Variants in IL1RAPL2 observed in about 807,000 individuals in gnomAD.
The protein encoded by IL1RAPL2 is interleukin 1 receptor accessory protein like 2, also known as X-linked interleukin-1 receptor accessory protein-like 2.
Under a neutral mutation model 44.1 loss-of-function variants are expected in IL1RAPL2, and 3 were observed. The observed-to-expected ratio is 0.07, with a 90% CI of 0.03 to 0.18. IL1RAPL2 has a LOEUF of 0.18. Ranked by LOEUF, IL1RAPL2 falls within the 10% of genes least tolerant of loss-of-function variation. IL1RAPL2 has a pLI of 1.00. For synonymous variants in IL1RAPL2, 181 were observed against 178.8 expected, an observed-to-expected ratio of 1.01 and a Z score of -0.10; for missense variants, 391 against 496.4, an observed-to-expected ratio of 0.79 and a Z score of 2.02.
chrX:105,330,610 C>G (rs1406629200), intron 5 of IL1RAPL2, among the ~76,000 whole-genome samples: 1 of 111,370 alleles, frequency 9.0e-6, no homozygotes, highest in African/African-American at 3.3e-5. Context: ...TATTTCATGT[C>G]CTGATGGGTA....
chrX:104,766,246 A>G (rs1167289348), intron 2 of IL1RAPL2, among the ~76,000 whole-genome samples: 1 of 112,603 alleles, frequency 8.9e-6, no homozygotes. Flanking sequence ...TGAGATATAG[A>G]AAGCCTGTCA....
chrX:104,864,242 A>C (rs1169141775), intron 2 of IL1RAPL2, among the ~76,000 whole-genome samples: 1 of 112,246 alleles, frequency 8.9e-6, no homozygotes, highest in Non-Finnish European at 1.9e-5. Flanking sequence ...CAAACTTCAG[A>C]GGCCAAGCAA....
intron 2 of IL1RAPL2, among the ~76,000 whole-genome samples, chrX:104,686,444 G>A (rs1450327645): frequency 9.0e-6 from 1 of 111,489 alleles, no homozygotes; most frequent in Non-Finnish European, 1.9e-5. Flanking sequence ...CCAGAAGAAG[G>A]GCATCCTATT....
intron 2 of IL1RAPL2, among the ~76,000 whole-genome samples, chrX:104,807,413 T>G (rs2147616481): frequency 9.0e-6 from 1 of 111,334 alleles, no homozygotes; most frequent in East Asian, 2.8e-4. Context: ...AGGGCTCTGG[T>G]GATGCTTTGG....
intron 4 of IL1RAPL2, among the ~76,000 whole-genome samples, chrX:105,255,730 C>G (rs968776850): frequency 3.6e-5 from 4 of 111,734 alleles, no homozygotes; most frequent in African/African-American, 1.3e-4. Flanking sequence ...TTGTCTTGTG[C>G]CAGTTTTCAA....
chrX:105,547,254 G>C (rs2036809627), intron 6 of IL1RAPL2, among the ~76,000 whole-genome samples: 1 of 112,021 alleles, frequency 8.9e-6, no homozygotes, highest in South Asian at 3.7e-4. Flanking sequence ...CAAACAAATG[G>C]GTGAATAACC....
chrX:105,587,751 T>C (rs1225967516), intron 6 of IL1RAPL2, among the ~76,000 whole-genome samples: 1 of 112,068 alleles, frequency 8.9e-6, no homozygotes, highest in Non-Finnish European at 1.9e-5. Flanking sequence ...TTTTTAAAAA[T>C]TTCCAGGCCA....
intron 6 of IL1RAPL2, among the ~76,000 whole-genome samples, chrX:105,597,352 G>T (rs941131690): frequency 9.0e-6 from 1 of 111,484 alleles, no homozygotes; most frequent in East Asian, 2.8e-4. Context: ...GTCCTTTCTC[G>T]CATTGCTGTA....
At chrX:105,294,534 G>T (rs1323716254) in intron 5 of IL1RAPL2, among the ~76,000 whole-genome samples, 1 of 112,112 alleles carries the variant, frequency 8.9e-6, no homozygotes, top group Non-Finnish European at 1.9e-5. Context: ...TAAGCCAAAT[G>T]AAAAAGTAAA....
At chrX:105,158,308 G>A (rs1023289008) in intron 2 of IL1RAPL2, among the ~76,000 whole-genome samples, 3 of 111,131 alleles carry the variant, frequency 2.7e-5, no homozygotes, top group Admixed American at 9.5e-5. Context: ...GCAGTGAGCC[G>A]AGATCGCGCC....
intron 3 of IL1RAPL2, among the ~76,000 whole-genome samples, chrX:105,231,636 C>CT (rs1442070276): frequency 1.9e-4 from 21 of 112,174 alleles, no homozygotes; most frequent in African/African-American, 5.2e-4. Flanking sequence ...ATTCCTTGCC[C>CT]TTTTTAGTGC....
chrX:105,231,905 CCTT>C (rs1556196254), intron 3 of IL1RAPL2, among the ~76,000 whole-genome samples: 1 of 111,817 alleles, frequency 8.9e-6, no homozygotes, highest in Non-Finnish European at 1.9e-5. Flanking sequence ...ATTGATTTAC[CCTT>C]CTTCTCTGAG....
At chrX:104,645,904 G>A (rs970446472) in intron 1 of IL1RAPL2, among the ~76,000 whole-genome samples, 1 of 112,550 alleles carries the variant, frequency 8.9e-6, no homozygotes, top group Admixed American at 9.4e-5. Context: ...ATGACAAGAT[G>A]TGCCAATATG....
intron 2 of IL1RAPL2, among the ~76,000 whole-genome samples, chrX:104,684,968 T>C (rs1447959301): frequency 8.9e-6 from 1 of 111,942 alleles, no homozygotes; most frequent in East Asian, 2.8e-4. Flanking sequence ...CATTCTTTGC[T>C]CAAAAATATT....
intron 5 of IL1RAPL2, among the ~76,000 whole-genome samples, chrX:105,300,482 C>T (rs2034688250): frequency 9.0e-6 from 1 of 110,778 alleles, no homozygotes; most frequent in Admixed American, 9.7e-5. Context: ...GAGAAATTCA[C>T]CCCAATGATC....
intron 2 of IL1RAPL2, among the ~76,000 whole-genome samples, chrX:105,088,665 G>A (rs2032506115): frequency 9.0e-6 from 1 of 111,217 alleles, no homozygotes; most frequent in African/African-American, 3.3e-5. Context: ...ATGATGTTGG[G>A]ATTAGAACAG....
At chrX:105,084,633 G>C (rs1399289801) in intron 2 of IL1RAPL2, among the ~76,000 whole-genome samples, 2 of 112,544 alleles carry the variant, frequency 1.8e-5, no homozygotes, top group African/African-American at 6.4e-5. Flanking sequence ...AGCCTCATAG[G>C]CAGAGGGGAC....
chrX:105,732,808 A>G (rs1220407783), intron 7 of IL1RAPL2, among the ~76,000 whole-genome samples: 1 of 111,779 alleles, frequency 8.9e-6, no homozygotes, highest in Non-Finnish European at 1.9e-5. Context: ...AGTATTTCCA[A>G]TTCCACCATT....
chrX:105,203,779 T>A (rs926187559), intron 3 of IL1RAPL2, among the ~76,000 whole-genome samples: 1 of 111,890 alleles, frequency 8.9e-6, no homozygotes, highest in Admixed American at 9.5e-5. Context: ...CAGAGAATAG[T>A]ACTCTCTTGG....
Sources: gnomAD v4.1 joint callset for allele counts (sites outside exome capture counted in the v4.1 genomes callset) on GRCh38, gnomAD v4.1.1 for gene constraint, MANE v1.5 for transcripts, NCBI Gene and HGNC (gene_info 2026-07-23, HGNC 2026-07-21) for gene names.